Variants in EIF4ENIF1 observed in about 807,000 individuals in gnomAD.
EIF4ENIF1 encodes eukaryotic translation initiation factor 4E transporter.
EIF4ENIF1 carries 23 observed loss-of-function variants against 110.5 expected under a neutral mutation model. The observed-to-expected ratio is 0.21, with a 90% CI of 0.15 to 0.29. EIF4ENIF1 has a LOEUF of 0.29. EIF4ENIF1 is among the 10% of genes least tolerant of loss of function. The pLI is 1.00. For missense variants in EIF4ENIF1, 1,031 were observed against 1,221.1 expected, an observed-to-expected ratio of 0.84 and a Z score of 2.32; for synonymous variants, 440 against 437.0, an observed-to-expected ratio of 1.01 and a Z score of -0.09.
chr22:31,488,299 TCACAG>T (rs2052121722), intron 2 of EIF4ENIF1, among the ~76,000 whole-genome samples: 1 of 152,154 alleles, frequency 6.6e-6, no homozygotes. Flanking sequence ...GCTTTAATCC[TCACAG>T]TACAGTATGT....
At chr22:31,492,602 T>C (rs2052294765), upstream of EIF4ENIF1, among the ~76,000 whole-genome samples, 2 of 152,220 alleles carry the variant, frequency 1.3e-5, no homozygotes, top group South Asian at 4.1e-4. Flanking sequence ...GGAAAAAAGG[T>C]AATAATCTAA....
chr22:31,465,964 A>G (rs5753630), intron 4 of EIF4ENIF1, among the ~76,000 whole-genome samples: 61,736 of 152,136 alleles, frequency 0.41, 13,717 homozygotes, highest in East Asian at 0.88. Flanking sequence ...TAATCTATAG[A>G]AACAGAAAGC....
chr22:31,454,332 G>C lies in EIF4ENIF1; in HGVS notation c.1324C>G (p.Leu442Val). Residue 442 changes from leucine to valine, a missense_variant, in exon 10 of 19, where the codon CTG becomes GTG. Physicochemically the swap from Leu to Val is conservative, Grantham distance 32. Around this residue, in one of 3 missense-constraint regions of EIF4ENIF1, gnomAD observed 704 missense variants for 879.7 expected, o/e 0.80. Coordinates refer to ENST00000330125, the MANE Select transcript of EIF4ENIF1 (RefSeq NM_019843.4). ...TGCTGGTCAACCTTCAAGCCCTTCA[G>C]ACCTGCTTCTACCTCCTCCACTGAA... The part of the protein sequence containing the change: ...VLSVEEVEAG[L>V]KGLKVDQQVK... The C allele has an allele frequency of 6.2e-7, 1 of 1,614,176 alleles. No homozygotes were observed. The highest frequency in any genetic ancestry group is 8.5e-7 in the Non-Finnish European group (1 of 1,180,028).
intron 13 of EIF4ENIF1, 145 bp from the exon 14 acceptor site, chr22:31,447,710 C>G (rs974793039): frequency 1.8e-5 from 15 of 849,814 alleles, no homozygotes; most frequent in Non-Finnish European, 2.1e-5. Context: ...GTGCTGCCAT[C>G]GCAGTGAACA....
chr22:31,443,028 C>T lies in EIF4ENIF1; in HGVS notation c.2140G>A (p.Glu714Lys), dbSNP rs759178361. The change falls in exon 16 of 19, where the codon GAG (glutamate) becomes AAG (lysine). Residue 714 changes from glutamate to lysine, a missense_variant. Glu to Lys is a moderately conservative substitution (Grantham distance 56, BLOSUM62 1). Around this residue, in one of 3 missense-constraint regions of EIF4ENIF1, gnomAD observed 309 missense variants for 299.1 expected, o/e 1.03. Transcript: ENST00000330125. Reference protein sequence around the residue: ...KMYESKEKSKEEPASGKAALG... With the variant: ...KMYESKEKSKKEPASGKAALG... ...GCTGCTTTTCCAGATGCTGGCTCCTCCTTGCTTTTCTCTTTGCTCTCGTAC... is the reference window on the plus strand; with the variant it reads ...GCTGCTTTTCCAGATGCTGGCTCCTTCTTGCTTTTCTCTTTGCTCTCGTAC... The T allele has an allele frequency of 6.2e-7, 1 of 1,614,180 alleles. No individual in the cohort carries two copies. The highest frequency in any genetic ancestry group is 8.5e-7 in the Non-Finnish European group (1 of 1,180,038).
At chr22:31,472,038 CT>C (rs1248021706) in intron 2 of EIF4ENIF1, 121 bp from the exon 3 acceptor site, 1 of 749,536 alleles carries the variant, frequency 1.3e-6, no homozygotes, top group Non-Finnish European at 2.1e-6. Flanking sequence ...TTATTTACAT[CT>C]TGCCTTATTT....
chr22:31,437,273 T>C (rs1369866315), downstream of EIF4ENIF1: 1 of 152,202 alleles, frequency 6.6e-6, no homozygotes, highest in East Asian at 1.9e-4. Flanking sequence ...GCCTTCTATA[T>C]CCTCAGCTTC....
rs1046851985 is a variant in EIF4ENIF1, at chr22:31,470,177, A to G, written c.170+1667T>C. Reference sequence around the variant, plus strand: ...GAAACTCCACCTCAAAAAAAAAAAAAAAAAAAAGAAAAATCCTAACTAATT... The same window carrying G: ...GAAACTCCACCTCAAAAAAAAAAAAGAAAAAAAGAAAAATCCTAACTAATT... On this transcript the variant is annotated intron_variant, in intron 3 of 18. Transcript: ENST00000330125. Among the ~76,000 whole-genome samples, 5 of 69,450 alleles carry G rather than the reference A, an allele frequency of 7.2e-5. No homozygotes were observed. The Admixed American group carries it at 7.5e-4, about 10-fold the overall frequency. 45.6% of individuals were successfully genotyped at this position (69,450 alleles called of 152,430 possible).
chr22:31,452,422 A>C (rs1246196269), intron 10 of EIF4ENIF1, among the ~76,000 whole-genome samples: 1 of 152,208 alleles, frequency 6.6e-6, no homozygotes, highest in African/African-American at 2.4e-5. Flanking sequence ...TTTGAGGCTC[A>C]TTTGCTCAGC....
At chr22:31,445,504 C>A (rs2145907712) in intron 14 of EIF4ENIF1, among the ~76,000 whole-genome samples, 1 of 152,284 alleles carries the variant, frequency 6.6e-6, no homozygotes, top group South Asian at 2.1e-4. Context: ...CATGGGCAGA[C>A]AGATCAGTAC....
At chr22:31,449,121 C>CT (rs1317333815) in intron 12 of EIF4ENIF1, among the ~76,000 whole-genome samples, 1 of 152,120 alleles carries the variant, frequency 6.6e-6, no homozygotes. Flanking sequence ...AGCGATTCTC[C>CT]TGTCTCAGCC....
At chr22:31,456,022 A>G (rs770004549) in intron 7 of EIF4ENIF1, 35 bp from the exon 8 acceptor site, 3 of 1,606,662 alleles carry the variant, frequency 1.9e-6, no homozygotes, top group African/African-American at 1.3e-5. Context: ...AATAGTTTCT[A>G]GATGAAAAAG....
chr22:31,453,294 C>T (rs1325082295), intron 10 of EIF4ENIF1: 4 of 341,910 alleles, frequency 1.2e-5, no homozygotes, highest in Middle Eastern at 4.0e-4. Context: ...TTCATGCCTA[C>T]AAGTTTTGTT....
chr22:31,488,646 T>C lies in EIF4ENIF1; in HGVS notation c.73A>G (p.Lys25Glu). The C allele has an allele frequency of 3.7e-6, 6 of 1,614,170 alleles. No individual in the cohort carries two copies. Among genetic ancestry groups the C allele is most frequent in the Non-Finnish European group, 5.1e-6 (6 of 1,180,022 alleles). The change falls in exon 2 of 19, where the codon AAA (lysine) becomes GAA (glutamate). Residue 25 changes from lysine to glutamate, a missense_variant. Lys to Glu is a moderately conservative substitution (Grantham distance 56, BLOSUM62 1). Coordinates refer to ENST00000330125, the MANE Select transcript of EIF4ENIF1 (RefSeq NM_019843.4). The stretch of plus-strand genomic sequence containing the variant: ...ACTTTTGTATAGCGATGGGGGCATT[T>C]GGAGGCAGGAGGCTTCTTCAGGTCA... Reference protein sequence around the residue: ...FLDLKKPPASKCPHRYTKEEL... With the variant: ...FLDLKKPPASECPHRYTKEEL...
upstream of EIF4ENIF1, among the ~76,000 whole-genome samples, chr22:31,490,382 G>C (rs1055368322): frequency 3.9e-5 from 6 of 152,230 alleles, no homozygotes; most frequent in African/African-American, 1.4e-4. Context: ...GCTGTTTTGC[G>C]AGTGGCGTGA....
Position 31,440,757 on chromosome 22 carries a change from C to T in EIF4ENIF1, c.2663G>A (p.Arg888His), listed in dbSNP as rs985667032. ...TGCCAGATGCAGAGGTGTTCCAGGA[C>T]GAGGGTTTAAGAGAGGGTGACTAGC... The part of the protein sequence containing the change: ...PAASHPLLNP[R>H]PGTPLHLAMV... Residue 888 changes from arginine (R) to histidine (H), a missense_variant, in exon 18 of 19, where the codon CGT becomes CAT. By Grantham distance (29) the Arg-to-His change is conservative (BLOSUM62 0). Coordinates refer to ENST00000330125, the MANE Select transcript of EIF4ENIF1 (RefSeq NM_019843.4). The T allele has an allele frequency of 2.4e-5, 39 of 1,613,818 alleles. 1 individual carries two copies. The highest frequency in any genetic ancestry group is 1.2e-4 in the Admixed American group (7 of 59,988).
At chr22:31,443,460 C>A in intron 15 of EIF4ENIF1, 1 of 174,592 alleles carries the variant, frequency 5.7e-6, no homozygotes, top group Non-Finnish European at 1.2e-5. Context: ...TTACTCCATA[C>A]TCCTAATATT....
chr22:31,444,405 A>G (rs1241306555), intron 15 of EIF4ENIF1: 3 of 541,390 alleles, frequency 5.5e-6, no homozygotes, highest in Non-Finnish European at 1.0e-5. Flanking sequence ...ATTTTCCCCA[A>G]TATAGGGGCT....
At chr22:31,492,906 A>G (rs900671183), upstream of EIF4ENIF1, among the ~76,000 whole-genome samples, 6 of 151,614 alleles carry the variant, frequency 4.0e-5, no homozygotes, top group East Asian at 9.7e-4. Context: ...TAATTTTTGT[A>G]TTTTTAGTAG....
Sources: allele counts gnomAD v4.1 joint callset (sites outside exome capture counted in the v4.1 genomes callset), GRCh38; gene constraint gnomAD v4.1.1; regional missense constraint gnomAD v4.1.1; transcripts MANE v1.5; gene names NCBI Gene and HGNC (gene_info 2026-07-23, HGNC 2026-07-21).